The following NTN1 variants were observed in gnomAD, a reference collection of about 807,000 sequenced individuals.
NTN1 encodes netrin 1.
NTN1 carries 11 observed loss-of-function variants against 54.2 expected under a neutral mutation model. That is an observed-to-expected ratio of 0.20 (90% CI 0.13 to 0.34). The LOEUF is 0.34. Among genes scored for constraint, NTN1 ranks in the 10% least tolerant of loss-of-function variants. The pLI is 1.00. For synonymous variants in NTN1, 371 were observed against 382.0 expected (o/e 0.97, Z 0.33); for missense variants, 740 against 893.1 (o/e 0.83, Z 2.18).
At chr17:9,098,945 T>C (rs1385181259) in intron 2 of NTN1, among the ~76,000 whole-genome samples, 1 of 152,246 alleles carries the variant, frequency 6.6e-6, no homozygotes. Context: ...ACTGGTAACA[T>C]TGAGTATATT....
intron 5 of NTN1, among the ~76,000 whole-genome samples, chr17:9,186,722 G>T (rs1366647642): frequency 6.6e-6 from 1 of 152,212 alleles, no homozygotes; most frequent in Non-Finnish European, 1.5e-5. Context: ...GGGGGTGGGG[G>T]TTGACCTTAG....
At chr17:9,092,081 G>A (rs1246540759) in intron 2 of NTN1, among the ~76,000 whole-genome samples, 1 of 151,408 alleles carries the variant, frequency 6.6e-6, no homozygotes, top group African/African-American at 2.4e-5. Flanking sequence ...GTAGAGACGG[G>A]GTTTCACCAT....
chr17:9,144,785 G>A (rs2092308456), intron 2 of NTN1, among the ~76,000 whole-genome samples: 1 of 152,192 alleles, frequency 6.6e-6, no homozygotes, highest in Non-Finnish European at 1.5e-5. Context: ...GAGGAAATGC[G>A]GTCCAGCTTC....
chr17:9,102,617 T>C (rs2092154313), intron 2 of NTN1, among the ~76,000 whole-genome samples: 1 of 152,236 alleles, frequency 6.6e-6, no homozygotes, highest in Admixed American at 6.5e-5. Context: ...AATTCCACTC[T>C]TGGGTTTATA....
intron 3 of NTN1, 58 bp downstream of exon 3, chr17:9,163,059 C>A (rs985138112): frequency 6.7e-7 from 1 of 1,496,374 alleles, no homozygotes; most frequent in Non-Finnish European, 9.0e-7. Context: ...TCAGTCCTCC[C>A]GCTCCCTCCT....
At chr17:9,230,530 G>A (rs533804547) in intron 6 of NTN1, among the ~76,000 whole-genome samples, 2 of 152,052 alleles carry the variant, frequency 1.3e-5, no homozygotes, top group Admixed American at 6.5e-5. Context: ...CGTGGAATGC[G>A]GGTGACCACC....
chr17:9,097,188 A>G (rs145430401), intron 2 of NTN1, among the ~76,000 whole-genome samples: 1 of 152,342 alleles, frequency 6.6e-6, no homozygotes, highest in Admixed American at 6.5e-5. Flanking sequence ...CAAATAGTAC[A>G]AAAATAAGTC....
chr17:9,207,483 A>G (rs907158843), intron 5 of NTN1, among the ~76,000 whole-genome samples: 1 of 152,172 alleles, frequency 6.6e-6, no homozygotes, highest in Non-Finnish European at 1.5e-5. Flanking sequence ...GATTGTTACA[A>G]ACGCTCACCC....
rs151154627 is a variant in NTN1 at position 9,218,430 on chromosome 17, T to A, written c.1412-2738T>A. On this transcript the variant is annotated intron_variant, in intron 5 of 6. Coordinates refer to ENST00000173229, the MANE Select transcript of NTN1 (RefSeq NM_004822.3). ...TGCCATTAGTGAGGTACAGACTGGA[T>A]ATTCATGGTGATGACTGTGATTTGT... 5.6e-3 allele frequency among the ~76,000 whole-genome samples: 858 copies of A among 152,356 alleles called. 8 individuals are homozygous for A. Among genetic ancestry groups the A allele is most frequent in the African/African-American group, 0.02 (823 of 41,576 alleles).
At chr17:9,181,247 CTTCCCGAGGGAA>C (rs2092418166) in intron 4 of NTN1, among the ~76,000 whole-genome samples, 1 of 152,170 alleles carries the variant, frequency 6.6e-6, no homozygotes, top group Non-Finnish European at 1.5e-5. Context: ...TTCGCTTGCT[CTTCCCGAGGGAA>C]GAGCTACAGG....
At chr17:9,158,746 C>A (rs574312060) in intron 2 of NTN1, among the ~76,000 whole-genome samples, 1 of 152,260 alleles carries the variant, frequency 6.6e-6, no homozygotes, top group African/African-American at 2.4e-5. Context: ...TGTGTGCAGG[C>A]GTGACAGTCG....
chr17:9,193,143 T>A (rs1015971643), intron 5 of NTN1, among the ~76,000 whole-genome samples: 3 of 151,874 alleles, frequency 2.0e-5, no homozygotes, highest in Non-Finnish European at 4.4e-5. Context: ...ATTTCCCATG[T>A]GACCATGTTA....
chr17:9,018,581 G>A (rs371397493), upstream of NTN1, among the ~76,000 whole-genome samples: 38 of 144,682 alleles, frequency 2.6e-4, no homozygotes, highest in African/African-American at 7.5e-4. Flanking sequence ...TTGAGAATGC[G>A]CCATTGCACT....
chr17:9,104,947 G>A (rs1400431520), intron 2 of NTN1, among the ~76,000 whole-genome samples: 1 of 152,208 alleles, frequency 6.6e-6, no homozygotes, highest in East Asian at 1.9e-4. Flanking sequence ...CCTGTACCAG[G>A]CCGAGGCCCC....
chr17:9,097,643 C>CA (rs1244646939), intron 2 of NTN1, among the ~76,000 whole-genome samples: 2 of 151,558 alleles, frequency 1.3e-5, no homozygotes, highest in African/African-American at 2.4e-5. Flanking sequence ...AAAAGAAAAA[C>CA]AAAAAAACCC....
In NTN1 at chr17:9,022,625, C is replaced by T. The variant is rs771781641; in HGVS notation, c.252C>T (p.Gly84=). Reference sequence around the variant, plus strand: ...GCTACTGCGTGGTGAGCGAGCGCGGCGAGGAGCGGCTGCGCTCGTGCCACC... The same window carrying T: ...GCTACTGCGTGGTGAGCGAGCGCGGTGAGGAGCGGCTGCGCTCGTGCCACC... The part of the protein sequence containing the change: ...PARYCVVSER[G]EERLRSCHLC... Residue 84 remains glycine (G), a synonymous_variant, in exon 2 of 7, where the codon GGC becomes GGT. Coordinates refer to ENST00000173229, the MANE Select transcript of NTN1 (RefSeq NM_004822.3). 1.3e-5 allele frequency: 20 copies of T among 1,553,314 alleles called. No individual in the cohort carries two copies. The African/African-American group carries it at 2.6e-4, about 20-fold the overall frequency.
intron 2 of NTN1, among the ~76,000 whole-genome samples, chr17:9,067,302 G>C (rs1020962036): frequency 1.3e-5 from 2 of 151,876 alleles, no homozygotes; most frequent in Admixed American, 6.6e-5. Flanking sequence ...TTAGGGATGT[G>C]GACATGATAA....
In NTN1 at chr17:9,236,308, A is replaced by G. The variant is rs114902718; in HGVS notation, c.1487-3332A>G. 4.6e-3 allele frequency among the ~76,000 whole-genome samples: 693 copies of G among 152,302 alleles called. 8 individuals carry two copies. The highest frequency in any genetic ancestry group is 0.016 in the African/African-American group (666 of 41,566). Reference sequence around the variant, plus strand: ...TCCATGTAGCCCAGAGATCCCCATCATTCCTTGCTTCAAGCCAGAGGTTGG... The same window carrying G: ...TCCATGTAGCCCAGAGATCCCCATCGTTCCTTGCTTCAAGCCAGAGGTTGG... On this transcript the variant is annotated intron_variant, in intron 6 of 6. Transcript: ENST00000173229.
chr17:9,117,928 T>G lies in NTN1; in HGVS notation c.1019-44885T>G, dbSNP rs567597741. ...ACCATCTGCCACCTTTTTGTCCCCCTCATGTTGGAAGTGAAAAGGGACAGG... is the reference window on the plus strand; with the variant it reads ...ACCATCTGCCACCTTTTTGTCCCCCGCATGTTGGAAGTGAAAAGGGACAGG... On this transcript the variant is annotated intron_variant, in intron 2 of 6. Transcript: ENST00000173229. Among the ~76,000 whole-genome samples the G allele has an allele frequency of 9.2e-5, 14 of 152,178 alleles. No homozygotes were observed. In the South Asian group the frequency reaches 2.9e-3, roughly 32 times the overall value.
Sources: allele counts gnomAD v4.1 joint callset (sites outside exome capture counted in the v4.1 genomes callset), GRCh38; gene constraint gnomAD v4.1.1; transcripts MANE v1.5; gene names NCBI Gene and HGNC (gene_info 2026-07-23, HGNC 2026-07-21).